Variants in SLC22A23 observed in about 807,000 individuals in gnomAD.
SLC22A23 encodes the protein ion transporter protein.
Under a neutral mutation model 61.0 loss-of-function variants are expected in SLC22A23, and 26 were observed. The observed-to-expected ratio is 0.43, with a 90% CI of 0.31 to 0.59. The LOEUF is 0.59. Among genes scored for constraint, SLC22A23 ranks in the 20% least tolerant of loss-of-function variants. The probability of loss-of-function intolerance (pLI) is 0.11; values close to 1 mark genes in which losing one functional copy is unlikely to be tolerated. For synonymous variants in SLC22A23, 430 were observed against 413.9 expected (o/e 1.04, Z -0.47); for missense variants, 796 against 934.7 (o/e 0.85, Z 1.94).
rs1203212269 is a variant in SLC22A23, at chr6:3,273,238, C to T, written c.1878G>A (p.Leu626=). The change falls in exon 10 of 10, where the codon CTG becomes CTA. Residue 626 remains leucine (L), a synonymous_variant. Transcript: ENST00000406686. ...GCTCCCCGTTAGAAATGTTCTCAGG[C>T]AGGTTCTGGTCCCTGCTCTCGGGCA... The part of the protein sequence containing the change: ...LLLPESRDQN[L]PENISNGEHY... The T allele has an allele frequency of 1.1e-5, 18 of 1,612,762 alleles. No individual in the cohort carries two copies. The highest frequency in any genetic ancestry group is 1.5e-5 in the Non-Finnish European group (18 of 1,179,038).
At position 3,328,766 on chromosome 6, in the gene SLC22A23, A is replaced by G. The variant is rs1763418621; in HGVS notation, c.914-4764T>C. On this transcript the variant is annotated intron_variant, in intron 3 of 9. Transcript: ENST00000406686. The surrounding 1 kb of genome is among the most constrained non-coding windows in gnomAD (Gnocchi z 5.0). The stretch of plus-strand genomic sequence containing the variant: ...ACAGTCGTGTGGGCCAATTCCTCGC[A>G]GAAAATCTCTAAATATCTCCTGTTG... Among the ~76,000 whole-genome samples the G allele has an allele frequency of 6.6e-6, 1 of 152,100 alleles. No individual in the cohort carries two copies. Among genetic ancestry groups the G allele is most frequent in the Admixed American group, 6.5e-5 (1 of 15,272 alleles).
chr6:3,288,267 C>G (rs1760239559), intron 6 of SLC22A23, among the ~76,000 whole-genome samples: 2 of 152,150 alleles, frequency 1.3e-5, no homozygotes, highest in Admixed American at 6.5e-5. Flanking sequence ...AAAAACTGCC[C>G]CCTTCTCTCC....
rs1245825347 is a variant in SLC22A23 at position 3,456,670 on chromosome 6, G to A, written c.-111C>T. On this transcript the variant is annotated 5_prime_UTR_variant, in exon 1 of 10. Coordinates refer to ENST00000406686, the MANE Select transcript of SLC22A23 (RefSeq NM_015482.2). This position sits in a 1 kb window ranked among gnomAD's most constrained non-coding sequence, Gnocchi z 7.1. ...GCCTGCAGCCGCTGCCGCCGAGGAGGGCCCGCGGCTCGAGAGAGAGCGCTC... is the reference window on the plus strand; with the variant it reads ...GCCTGCAGCCGCTGCCGCCGAGGAGAGCCCGCGGCTCGAGAGAGAGCGCTC... The A allele has an allele frequency of 1.4e-5, 10 of 710,232 alleles. No individual in the cohort carries two copies. Among genetic ancestry groups the A allele is most frequent in the Non-Finnish European group, 1.5e-5 (9 of 581,330 alleles). 44.0% of individuals were successfully genotyped at this position (710,232 alleles called of 1,614,324 possible).
At chr6:3,332,391 TA>T (rs11332995) in intron 3 of SLC22A23, among the ~76,000 whole-genome samples, 37,194 of 151,924 alleles carry the variant, frequency 0.24, 5,832 homozygotes, top group African/African-American at 0.44. Context: ...ATAATACTTC[TA>T]AATAGAGAAG....
chr6:3,320,745 T>C (rs1236871121), intron 4 of SLC22A23, among the ~76,000 whole-genome samples: 2 of 152,046 alleles, frequency 1.3e-5, no homozygotes, highest in Admixed American at 6.6e-5. Context: ...TAGGCAAAGG[T>C]GGTTTACATT....
chr6:3,447,604 TC>T, intron 1 of SLC22A23, among the ~76,000 whole-genome samples: 1 of 135,016 alleles, frequency 7.4e-6, no homozygotes, highest in African/African-American at 2.7e-5. Context: ...TTTTTTTTTG[TC>T]TGAGACAGAG....
At chr6:3,452,438 T>C (rs935146161) in intron 1 of SLC22A23, among the ~76,000 whole-genome samples, 21 of 150,556 alleles carry the variant, frequency 1.4e-4, no homozygotes, top group Non-Finnish European at 2.4e-4. Flanking sequence ...TACAAAAAAA[T>C]AAAAATAAAA....
intron 1 of SLC22A23, among the ~76,000 whole-genome samples, chr6:3,452,203 C>A (rs1216999014): frequency 6.6e-6 from 1 of 152,154 alleles, no homozygotes; most frequent in Non-Finnish European, 1.5e-5. Context: ...ACACAAGACA[C>A]AACACCATCC....
intron 3 of SLC22A23, among the ~76,000 whole-genome samples, chr6:3,368,200 C>T (rs1398764492): frequency 6.6e-6 from 1 of 152,190 alleles, no homozygotes; most frequent in Non-Finnish European, 1.5e-5. Context: ...CTTGGGGATA[C>T]GTTCCCCTCT....
At chr6:3,345,363 C>CTTTTTTT (rs1163840651) in intron 3 of SLC22A23, among the ~76,000 whole-genome samples, 7 of 124,764 alleles carry the variant, frequency 5.6e-5, no homozygotes, top group African/African-American at 1.2e-4. Context: ...TATCTCTTTT[C>CTTTTTTT]TTTTTTTTTT....
At chr6:3,278,156 CCT>C (rs1171856297) in intron 9 of SLC22A23, among the ~76,000 whole-genome samples, 3 of 152,226 alleles carry the variant, frequency 2.0e-5, no homozygotes, top group Admixed American at 1.3e-4. Flanking sequence ...ACTTCAGGCC[CCT>C]GTTTTGGAGC....
intron 5 of SLC22A23, chr6:3,291,519 T>G (rs555635942): frequency 6.6e-6 from 1 of 152,340 alleles, no homozygotes; most frequent in Admixed American, 6.5e-5. Context: ...CTTGCCATAC[T>G]TGGGTGCAAA....
intron 3 of SLC22A23, among the ~76,000 whole-genome samples, chr6:3,352,366 T>A (rs1251150623): frequency 6.8e-6 from 1 of 148,068 alleles, no homozygotes; most frequent in Non-Finnish European, 1.5e-5. Context: ...CACAAGCACA[T>A]ACAGACATGC....
rs548093566 is a variant in SLC22A23 at position 3,328,190 on chromosome 6, T to C, written c.914-4188A>G. On this transcript the variant is annotated intron_variant, in intron 3 of 9. Coordinates refer to ENST00000406686, the MANE Select transcript of SLC22A23 (RefSeq NM_015482.2). This position sits in a 1 kb window ranked among gnomAD's most constrained non-coding sequence, Gnocchi z 5.0. ...TATACTTTGTCGATAAGCAGAGAGA[T>C]TACTGAGGGTTGTGAGAATGAAACA... Among the ~76,000 whole-genome samples the C allele has an allele frequency of 9.3e-5, 14 of 150,824 alleles. No homozygotes were observed. Among genetic ancestry groups the C allele is most frequent in the Admixed American group, 8.0e-4 (12 of 15,022 alleles).
chr6:3,418,569 G>A (rs1311941412), intron 1 of SLC22A23, among the ~76,000 whole-genome samples: 2 of 152,212 alleles, frequency 1.3e-5, no homozygotes, highest in East Asian at 1.9e-4. Context: ...TCACTCACAC[G>A]CCTGGTAGGG....
In SLC22A23 at chr6:3,324,287, G is replaced by A. The variant is rs1763149918; in HGVS notation, c.914-285C>T. 1 of 441,630 alleles carries A rather than the reference G, an allele frequency of 2.3e-6. No individual in the cohort carries two copies. Among genetic ancestry groups the A allele is most frequent in the East Asian group, 4.0e-5 (1 of 25,104 alleles). 27.4% of individuals were successfully genotyped at this position (441,630 alleles called of 1,614,324 possible). ...AGCTCAGAAACCAGGAAATGGTACT[G>A]CCTATGGGACAGATCGCCCATTGTT... On this transcript the variant is annotated intron_variant, in intron 3 of 9. Transcript: ENST00000406686. This position sits in a 1 kb window ranked among gnomAD's most constrained non-coding sequence, Gnocchi z 4.3.
Position 3,309,054 on chromosome 6 carries a change from C to T in SLC22A23, c.1083-10836G>A, listed in dbSNP as rs971285192. Among the ~76,000 whole-genome samples the T allele has an allele frequency of 5.9e-5, 9 of 151,964 alleles. No homozygotes were observed. Among genetic ancestry groups the T allele is most frequent in the Non-Finnish European group, 1.2e-4 (8 of 67,966 alleles). On this transcript the variant is annotated intron_variant, in intron 4 of 9. Transcript: ENST00000406686. The surrounding 1 kb of genome is among the most constrained non-coding windows in gnomAD (Gnocchi z 4.7). ...CTTAAAAAGAGCCGAGGGCTGGGCG[C>T]TTTGGGAGGCTGAGGTGGGTGGATC...
At position 3,286,751 on chromosome 6, in the gene SLC22A23, C is replaced by T. The variant is rs1276091588; in HGVS notation, c.1546+108G>A. 1 of 966,674 alleles carries T rather than the reference C, an allele frequency of 1.0e-6. No individual in the cohort carries two copies. The highest frequency in any genetic ancestry group is 1.6e-6 in the Non-Finnish European group (1 of 642,904). 59.9% of individuals were successfully genotyped at this position (966,674 alleles called of 1,614,324 possible). ...TTCTCCCCAAAGCAGCTCCTTCCAG[C>T]AGTAGATTTTAGAGTGGCCAGCGGA... On this transcript the variant is annotated intron_variant, in intron 7 of 9. Coordinates refer to ENST00000406686, the MANE Select transcript of SLC22A23 (RefSeq NM_015482.2). The surrounding 1 kb of genome is among the most constrained non-coding windows in gnomAD (Gnocchi z 4.2).
At chr6:3,379,254 A>G (rs949875414) in intron 3 of SLC22A23, among the ~76,000 whole-genome samples, 6 of 152,210 alleles carry the variant, frequency 3.9e-5, no homozygotes, top group East Asian at 3.8e-4. Context: ...GCTTCCCCCA[A>G]TAAACATGCT....
Sources: gnomAD v4.1 joint callset for allele counts (sites outside exome capture counted in the v4.1 genomes callset) on GRCh38, gnomAD v4.1.1 for gene constraint, Gnocchi (gnomAD v3.1) non-coding constraint, MANE v1.5 for transcripts, NCBI Gene and HGNC (gene_info 2026-07-23, HGNC 2026-07-21) for gene names.